SRC: variants seen among roughly 807,000 people sequenced by gnomAD.
SRC encodes the protein proto-oncogene tyrosine-protein kinase Src.
In SRC, 13 loss-of-function variants were observed where a neutral mutation model predicts 62.9. That is an observed-to-expected ratio of 0.21 (90% confidence interval 0.13 to 0.33). The LOEUF (loss-of-function observed/expected upper bound fraction) is 0.33. Among genes scored for constraint, SRC ranks in the 10% least tolerant of loss-of-function variants. SRC has a pLI of 1.00. For missense variants in SRC, 457 were observed against 737.3 expected (o/e 0.62, Z 4.40); for synonymous variants, 302 against 317.5 (o/e 0.95, Z 0.52).
rs2070382974 is a variant in SRC, at chr20:37,382,664, C to G, written c.-127C>G. 6.6e-6 allele frequency: 1 copy of G among 152,292 alleles called. No individual in the cohort carries two copies. Among genetic ancestry groups the G allele is most frequent in the Admixed American group, 6.5e-5 (1 of 15,280 alleles). The allele number at this position is 152,292 out of a possible 1,614,324, so 9.4% of individuals were successfully genotyped here. A position where few individuals can be genotyped will look rare whatever the true frequency, so the allele number is the denominator to read the frequency against. ...AGAGGGAAAGCCACTTGCCTAGGGA[C>G]ACACAGCGGGGAGAGGTGGAGCAGG... On this transcript the variant is annotated 5_prime_UTR_variant, in exon 3 of 14. Transcript: ENST00000373578.
chr20:37,388,834 G>A (rs1375993958), intron 5 of SRC, among the ~76,000 whole-genome samples: 2 of 152,084 alleles, frequency 1.3e-5, no homozygotes, highest in African/African-American at 2.4e-5. Context: ...GGCGGGGCTT[G>A]GTAGGAGATG....
At position 37,403,010 on chromosome 20, in the gene SRC, G is replaced by T. The variant is rs2070765431; in HGVS notation, c.1402+130G>T. 7 of 1,363,852 alleles carry T rather than the reference G, an allele frequency of 5.1e-6. No individual in the cohort carries two copies. In the South Asian group the frequency reaches 1.0e-4, roughly 19 times the overall value. The allele number at this position is 1,363,852 out of a possible 1,614,324, so 84.5% of individuals were successfully genotyped here. A position where few individuals can be genotyped will look rare whatever the true frequency, so the allele number is the denominator to read the frequency against. ...AAAGAAGTTGAGCGTCTGATGTTAG[G>T]CTCTCTCGATGGTCCATGCTCTCAG... On this transcript the variant is annotated intron_variant, in intron 13 of 13. Transcript: ENST00000373578. The surrounding 1 kb of genome is among the most constrained non-coding windows in gnomAD (Gnocchi z 7.1).
chr20:37,379,735 T>A (rs73299311), intron 2 of SRC, among the ~76,000 whole-genome samples: 7,823 of 106,494 alleles, frequency 0.073, 497 homozygotes, highest in East Asian at 0.22. Flanking sequence ...AAAAAAAAAA[T>A]AATAATAATA....
chr20:37,345,012 A>G (rs1180112632), upstream of SRC: 2 of 152,302 alleles, frequency 1.3e-5, no homozygotes, highest in Non-Finnish European at 2.9e-5. Context: ...CCTGGAAGGT[A>G]TGTTGTACCC....
In SRC at chr20:37,351,470, A is replaced by G. The variant is rs1373217963; in HGVS notation, c.-247+5215A>G. Among the ~76,000 whole-genome samples, 2 of 151,942 alleles carry G rather than the reference A, an allele frequency of 1.3e-5. No individual in the cohort carries two copies. Among genetic ancestry groups the G allele is most frequent in the Non-Finnish European group, 2.9e-5 (2 of 67,976 alleles). On this transcript the variant is annotated intron_variant, in intron 1 of 13. Transcript: ENST00000373578. The surrounding 1 kb of genome is among the most constrained non-coding windows in gnomAD (Gnocchi z 4.4). ...GTGATATTTGTGGACCCACTGAGAAACTTTAGGAACGGGTTCTTTTGAACC... is the reference window on the plus strand; with the variant it reads ...GTGATATTTGTGGACCCACTGAGAAGCTTTAGGAACGGGTTCTTTTGAACC...
intron 7 of SRC, among the ~76,000 whole-genome samples, chr20:37,394,651 G>A (rs1159610333): frequency 6.6e-6 from 1 of 152,050 alleles, no homozygotes; most frequent in Non-Finnish European, 1.5e-5. Context: ...GCTGGAGGCT[G>A]GTTTTGCCCT....
chr20:37,389,718 C>G (rs2070514920), intron 5 of SRC, among the ~76,000 whole-genome samples: 1 of 152,254 alleles, frequency 6.6e-6, no homozygotes. Flanking sequence ...ACACGCCACC[C>G]TGGCTGGCCC....
At chr20:37,382,060 A>T (rs1297165603) in intron 2 of SRC, among the ~76,000 whole-genome samples, 2 of 152,166 alleles carry the variant, frequency 1.3e-5, no homozygotes, top group African/African-American at 2.4e-5. Flanking sequence ...GCTCAGGGCA[A>T]ACAGCCTTGC....
intron 2 of SRC, among the ~76,000 whole-genome samples, chr20:37,373,404 T>C (rs754061973): frequency 1.3e-4 from 19 of 149,356 alleles, no homozygotes; most frequent in Non-Finnish European, 2.2e-4. Flanking sequence ...TGCGTATATA[T>C]ACGCATATAT....
At chr20:37,373,912 G>C (rs762766041) in intron 2 of SRC, among the ~76,000 whole-genome samples, 2 of 152,078 alleles carry the variant, frequency 1.3e-5, no homozygotes, top group South Asian at 2.1e-4. Flanking sequence ...AAGGTTTACT[G>C]TCTGGTTGGG....
At chr20:37,359,960 G>T (rs755210210) in intron 1 of SRC, among the ~76,000 whole-genome samples, 8 of 151,784 alleles carry the variant, frequency 5.3e-5, no homozygotes, top group Admixed American at 1.3e-4. Context: ...TATTCTGGAG[G>T]CATGTTCATA....
In SRC at chr20:37,396,089, A is replaced by C. The variant is rs1258593377; in HGVS notation, c.554-73A>C. 4 of 1,563,456 alleles carry C rather than the reference A, an allele frequency of 2.6e-6. No homozygotes were observed. The highest frequency in any genetic ancestry group is 1.3e-5 in the African/African-American group (1 of 74,282). ...CTTCCCTCCAATGTCAGGCAGGCAC[A>C]GAACGGTGTCCAGAGCAGCGGCCTG... On this transcript the variant is annotated intron_variant, in intron 7 of 13. Transcript: ENST00000373578. This position sits in a 1 kb window ranked among gnomAD's most constrained non-coding sequence, Gnocchi z 6.1.
chr20:37,374,766 G>T (rs1418257306), intron 2 of SRC, among the ~76,000 whole-genome samples: 1 of 151,238 alleles, frequency 6.6e-6, no homozygotes. Context: ...ATACAGATGG[G>T]GTTTCGCCAT....
chr20:37,374,883 T>C lies in SRC; in HGVS notation c.-172-7736T>C, dbSNP rs934585908. ...AGCCACCACACCTGGCCAATAATAA[T>C]ACTCTTACCTTCTCTTTTCTAATTC... is the stretch of plus-strand genomic sequence containing the variant. On this transcript the variant is annotated intron_variant, in intron 2 of 13. Transcript: ENST00000373578. Among the ~76,000 whole-genome samples, 3 of 151,408 alleles carry C rather than the reference T, an allele frequency of 2.0e-5. No homozygotes were observed. The South Asian group carries it at 6.3e-4, about 32-fold the overall frequency.
At chr20:37,378,161 C>CTTTTTTTTTTTTTT (rs770833912) in intron 2 of SRC, among the ~76,000 whole-genome samples, 1 of 122,948 alleles carries the variant, frequency 8.1e-6, no homozygotes, top group Non-Finnish European at 1.7e-5. Context: ...TCTTTCTTCT[C>CTTTTTTTTTTTTTT]TTTTTTTTTT....
At chr20:37,378,269 C>T (rs1428928099) in intron 2 of SRC, among the ~76,000 whole-genome samples, 1 of 149,926 alleles carries the variant, frequency 6.7e-6, no homozygotes, top group African/African-American at 2.5e-5. Flanking sequence ...CTCAAGTGAT[C>T]CCCCCACCTC....
chr20:37,399,614 G>A (rs8115993), intron 9 of SRC, among the ~76,000 whole-genome samples: 2,472 of 151,238 alleles, frequency 0.016, 71 homozygotes, highest in African/African-American at 0.056. Flanking sequence ...GCACAGTTTC[G>A]GCTCACTGCA....
chr20:37,387,341 G>T (rs1034081324), intron 5 of SRC, among the ~76,000 whole-genome samples: 1 of 152,204 alleles, frequency 6.6e-6, no homozygotes, highest in Non-Finnish European at 1.5e-5. Flanking sequence ...TGCCATGCCA[G>T]TCGTCTCCAC....
At position 37,403,276 on chromosome 20, in the gene SRC, G is replaced by T; in HGVS notation, c.1508G>T (p.Arg503Leu). ...CACGACCTCATGTGCCAGTGCTGGC[G>T]GAAGGAGCCTGAGGAGCGGCCCACC... is the stretch of plus-strand genomic sequence containing the variant. ...SLHDLMCQCW[R>L]KEPEERPTFE... The change falls in exon 14 of 14, where the codon CGG becomes CTG. Residue 503 changes from arginine (R) to leucine (L), a missense_variant. This residue lies in a region of SRC where 168 missense variants were observed against 357.8 expected (regional missense o/e 0.47). Transcript: ENST00000373578. This position sits in a 1 kb window ranked among gnomAD's most constrained non-coding sequence, Gnocchi z 7.1. 1 of 1,599,266 alleles carries T rather than the reference G, an allele frequency of 6.3e-7. No individual in the cohort carries two copies.
Sources: gnomAD v4.1 joint callset for allele counts (sites outside exome capture counted in the v4.1 genomes callset) on GRCh38, gnomAD v4.1.1 for gene constraint, gnomAD v4.1.1 regional missense constraint, Gnocchi (gnomAD v3.1) non-coding constraint, MANE v1.5 for transcripts, NCBI Gene and HGNC (gene_info 2026-07-23, HGNC 2026-07-21) for gene names.